The following PHF21A variants were observed in gnomAD, a reference collection of about 807,000 sequenced individuals.
The protein encoded by PHF21A is PHD finger protein 21A.
Under a neutral mutation model 82.5 loss-of-function variants are expected in PHF21A, and 11 were observed. The observed-to-expected ratio is 0.13, with a 90% CI of 0.08 to 0.22. The LOEUF (loss-of-function observed/expected upper bound fraction) is 0.22. Ranked by LOEUF, PHF21A falls within the 10% of genes least tolerant of loss-of-function variation. The pLI, the probability that PHF21A is intolerant of heterozygous loss-of-function variation, is 1.00. For missense variants in PHF21A, 579 were observed against 837.8 expected (o/e 0.69, Z 3.81); for synonymous variants, 297 against 302.8 (o/e 0.98, Z 0.20).
Position 45,935,334 on chromosome 11 carries a change from C to G in PHF21A, c.1788+302G>C, listed in dbSNP as rs946159477. On this transcript the variant is annotated intron_variant, in intron 18 of 18. Coordinates refer to ENST00000676320, the MANE Select transcript of PHF21A (RefSeq NM_001352027.3). ...CTCCCCCCACACACTGTCAGGAATA[C>G]GCAGGGCCATGGCTACACTGTTGTA... The G allele has an allele frequency of 1.0e-5, 11 of 1,048,134 alleles. No individual in the cohort carries two copies. In the African/African-American group the frequency reaches 1.4e-4, roughly 14 times the overall value. The allele number at this position is 1,048,134 out of a possible 1,614,324, so 64.9% of individuals were successfully genotyped here.
At chr11:45,982,885 A>T (rs2094355021) in intron 6 of PHF21A, among the ~76,000 whole-genome samples, 1 of 152,228 alleles carries the variant, frequency 6.6e-6, no homozygotes, top group South Asian at 2.1e-4. Context: ...CTTTGGACAA[A>T]AACAGCACAG....
chr11:45,936,643 GTA>G (rs1393436882), intron 16 of PHF21A, 74 bp from the exon 17 acceptor site: 3 of 950,396 alleles, frequency 3.2e-6, no homozygotes, highest in Non-Finnish European at 5.2e-6. Context: ...GCTAGCAGTG[GTA>G]TCTGTGGCTA....
chr11:46,016,512 C>A (rs2095520276), intron 6 of PHF21A, among the ~76,000 whole-genome samples: 1 of 152,158 alleles, frequency 6.6e-6, no homozygotes, highest in African/African-American at 2.4e-5. Flanking sequence ...CCAAACCTTA[C>A]CCATTCTAGA....
chr11:46,051,756 C>A (rs929447332), intron 6 of PHF21A, among the ~76,000 whole-genome samples: 1 of 151,892 alleles, frequency 6.6e-6, no homozygotes, highest in Non-Finnish European at 1.5e-5. Flanking sequence ...TAGAGGAAGA[C>A]AAAGGATTGG....
intron 6 of PHF21A, among the ~76,000 whole-genome samples, chr11:46,013,545 A>C (rs2095453358): frequency 6.6e-6 from 1 of 152,158 alleles, no homozygotes; most frequent in Non-Finnish European, 1.5e-5. Flanking sequence ...TGTCTTCCTA[A>C]CTGATCTCTC....
At chr11:46,100,270 A>T (rs546136163) in intron 1 of PHF21A, among the ~76,000 whole-genome samples, 38 of 146,130 alleles carry the variant, frequency 2.6e-4, no homozygotes, top group South Asian at 8.6e-4. Context: ...AACCTTGTTT[A>T]AAAAAAAAAA....
intron 14 of PHF21A, 104 bp from the exon 15 acceptor site, chr11:45,946,107 GA>G (rs1164014350): frequency 1.9e-6 from 3 of 1,613,692 alleles, no homozygotes; most frequent in African/African-American, 2.7e-5. Flanking sequence ...GGCTAGCATG[GA>G]AAAGGAAGTG....
intron 6 of PHF21A, among the ~76,000 whole-genome samples, chr11:46,065,779 A>C (rs893979702): frequency 2.6e-5 from 4 of 152,236 alleles, no homozygotes; most frequent in African/African-American, 4.8e-5. Flanking sequence ...TAGGGTATAA[A>C]GCGGGTGTAT....
intron 6 of PHF21A, among the ~76,000 whole-genome samples, chr11:45,982,059 C>A (rs1019640171): frequency 1.3e-5 from 2 of 149,820 alleles, no homozygotes; most frequent in Non-Finnish European, 2.9e-5. Flanking sequence ...CAGGCTCAAG[C>A]GATCCTGTCA....
In PHF21A at chr11:45,935,671, C is replaced by G; in HGVS notation, c.1753G>C (p.Glu585Gln). ...SDLKQEREQL[E>Q]QKVKQLSNSI... Reference sequence around the variant, plus strand: ...TTGCTGAGCTGTTTCACCTTTTGCTCTAGTTGTTCTCGTTCTTGTTTTAAA... The same window carrying G: ...TTGCTGAGCTGTTTCACCTTTTGCTGTAGTTGTTCTCGTTCTTGTTTTAAA... Residue 585 changes from glutamate to glutamine, a missense_variant, in exon 18 of 19, where the codon GAG becomes CAG. Glu to Gln is a conservative substitution (Grantham distance 29, BLOSUM62 2). This residue lies in a region of PHF21A where 157 missense variants were observed against 149.4 expected (regional missense o/e 1.05). Coordinates refer to ENST00000676320, the MANE Select transcript of PHF21A (RefSeq NM_001352027.3). 2 of 1,542,424 alleles carry G rather than the reference C, an allele frequency of 1.3e-6. No homozygotes were observed. Among genetic ancestry groups the G allele is most frequent in the East Asian group, 2.3e-5 (1 of 43,942 alleles).
intron 6 of PHF21A, among the ~76,000 whole-genome samples, chr11:46,027,368 C>G (rs191995893): frequency 2.4e-4 from 36 of 152,226 alleles, no homozygotes; most frequent in Admixed American, 2.0e-3. Context: ...GGTTTGCACT[C>G]CTGCATTTTT....
rs1435176188 is a variant in PHF21A, at chr11:46,076,762, C to T, written c.145G>A (p.Glu49Lys). The T allele has an allele frequency of 6.2e-7, 1 of 1,612,064 alleles. No individual in the cohort carries two copies. The highest frequency in any genetic ancestry group is 1.1e-5 in the South Asian group (1 of 90,824). Residue 49 changes from glutamate to lysine, a missense_variant, in exon 6 of 19, where the codon GAG becomes AAG. Physicochemically the swap from Glu to Lys is moderately conservative, Grantham distance 56 (BLOSUM62 1). Around this residue, in one of 3 missense-constraint regions of PHF21A, gnomAD observed 410 missense variants for 642.1 expected, o/e 0.64. Transcript: ENST00000676320. ...CTCCCCTTTTCCCCTACCTGTTTCT[C>T]ACTCAAAGCTGTGATTTTGGCTTGG... Reference protein sequence around the residue: ...ELQAKITALSEKQKRVVEQLR... With the variant: ...ELQAKITALSKKQKRVVEQLR...
chr11:45,992,282 T>A (rs554658924), intron 6 of PHF21A, among the ~76,000 whole-genome samples: 9 of 151,802 alleles, frequency 5.9e-5, no homozygotes, highest in Non-Finnish European at 1.2e-4. Flanking sequence ...CTTGTAATCC[T>A]AGCACTTTGG....
chr11:46,112,850 C>T (rs2097234778), intron 1 of PHF21A, among the ~76,000 whole-genome samples: 1 of 152,174 alleles, frequency 6.6e-6, no homozygotes, highest in South Asian at 2.1e-4. Context: ...ATAAAGAGAC[C>T]TGTATCGCCA....
rs184850381 is a variant in PHF21A at position 46,066,524 on chromosome 11, C to T, written c.153+10230G>A. On this transcript the variant is annotated intron_variant, in intron 6 of 18. Coordinates refer to ENST00000676320, the MANE Select transcript of PHF21A (RefSeq NM_001352027.3). ...ACCAGCCTGGGCAACAAAATGAGAA[C>T]CTGTTTCTAAAAAAATAAAAATAAA... Among the ~76,000 whole-genome samples the T allele has an allele frequency of 1.2e-4, 19 of 152,098 alleles. No individual in the cohort carries two copies. The East Asian group carries it at 3.7e-3, about 29-fold the overall frequency.
At chr11:46,028,546 ATTACT>A (rs2095798541) in intron 6 of PHF21A, among the ~76,000 whole-genome samples, 1 of 131,768 alleles carries the variant, frequency 7.6e-6, no homozygotes, top group Non-Finnish European at 1.7e-5. Flanking sequence ...ATGCTAAAAT[ATTACT>A]TTATACTTTA....
Position 45,949,408 on chromosome 11 carries a change from C to T in PHF21A, c.1221G>A (p.Glu407=). 6.2e-7 allele frequency: 1 copy of T among 1,613,948 alleles called. No homozygotes were observed. Among genetic ancestry groups the T allele is most frequent in the Non-Finnish European group, 8.5e-7 (1 of 1,179,758 alleles). Reference sequence around the variant, plus strand: ...AGATGCTGGCCAGTAATACCTCTGGCTCAAAGACTGCTCCACTGTAGACCG... The same window carrying T: ...AGATGCTGGCCAGTAATACCTCTGGTTCAAAGACTGCTCCACTGTAGACCG... ...ANPVYSGAVF[E]PERKKSAVTY... Residue 407 remains glutamate (E), a synonymous_variant, in exon 13 of 19, where the codon GAG becomes GAA. Transcript: ENST00000676320.
intron 6 of PHF21A, among the ~76,000 whole-genome samples, chr11:46,073,696 C>T (rs974411165): frequency 6.6e-6 from 1 of 152,148 alleles, no homozygotes; most frequent in Non-Finnish European, 1.5e-5. Context: ...TATACTCTCA[C>T]TTATTATTTC....
chr11:45,939,504 A>G (rs1268311684), intron 15 of PHF21A, among the ~76,000 whole-genome samples: 1 of 152,194 alleles, frequency 6.6e-6, no homozygotes, highest in African/African-American at 2.4e-5. Context: ...AAAAAGCCAA[A>G]GCAACAGCTG....
Sources: allele counts gnomAD v4.1 joint callset (sites outside exome capture counted in the v4.1 genomes callset), GRCh38; gene constraint gnomAD v4.1.1; regional missense constraint gnomAD v4.1.1; transcripts MANE v1.5; gene names NCBI Gene and HGNC (gene_info 2026-07-23, HGNC 2026-07-21).